COL6A6: variants seen among roughly 807,000 people sequenced by gnomAD.
COL6A6 encodes the protein collagen alpha-6(VI) chain.
In COL6A6, 183 loss-of-function variants were observed where a neutral mutation model predicts 208.6. The observed-to-expected ratio is 0.88, with a 90% CI of 0.78 to 0.99. The LOEUF is 0.99. Among genes scored for constraint, COL6A6 ranks in the 50% least tolerant of loss-of-function variants. COL6A6 has a pLI of 0.00. For missense variants in COL6A6, 2,816 were observed against 2,815.2 expected, an observed-to-expected ratio of 1.00 and a Z score of -0.01; for synonymous variants, 973 against 1,011.8, an observed-to-expected ratio of 0.96 and a Z score of 0.73.
In COL6A6 at chr3:130,564,914, T is replaced by A. The variant is rs553960235; in HGVS notation, c.662-80T>A. ...AAGTGCATAACTGAGCTCTGCTGTA[T>A]GGTCTTCATGCCTTCTAATGCTCAC... On this transcript the variant is annotated intron_variant, in intron 3 of 36. Transcript: ENST00000358511. 108 of 1,485,964 alleles carry A rather than the reference T, an allele frequency of 7.3e-5. No homozygotes were observed. The African/African-American group carries it at 1.4e-3, about 19-fold the overall frequency. 92.0% of individuals were successfully genotyped at this position (1,485,964 alleles called of 1,614,324 possible). A position where few individuals can be genotyped will look rare whatever the true frequency, so the allele number is the denominator to read the frequency against.
chr3:130,665,121 A>G (rs1199096728), intron 36 of COL6A6, 25 bp downstream of exon 36: 2 of 1,464,524 alleles, frequency 1.4e-6, no homozygotes, highest in South Asian at 2.4e-5. Flanking sequence ...GTGTTACTTG[A>G]TAAATGAGAA....
rs772795348 is a variant in COL6A6 at position 130,642,960 on chromosome 3, T to C, written c.5191-27T>C. 9 of 1,613,878 alleles carry C rather than the reference T, an allele frequency of 5.6e-6. No homozygotes were observed. In the South Asian group the frequency reaches 9.9e-5, roughly 18 times the overall value. On this transcript the variant is annotated intron_variant, in intron 30 of 36. Transcript: ENST00000358511. ...AGGGCCTAGCAGTTTGTTGTTTAAT[T>C]GTTTCTGTTTTATTTTCGAACTGCA...
At chr3:130,618,227 T>C (rs1476416642) in intron 23 of COL6A6, among the ~76,000 whole-genome samples, 1 of 152,204 alleles carries the variant, frequency 6.6e-6, no homozygotes, top group African/African-American at 2.4e-5. Flanking sequence ...TAGAGTCAGA[T>C]ACAATTAGGT....
intron 28 of COL6A6, among the ~76,000 whole-genome samples, chr3:130,636,808 TC>T (rs1263199571): frequency 1.3e-4 from 1 of 7,572 alleles, no homozygotes; most frequent in Non-Finnish European, 2.1e-4. Flanking sequence ...CCCCCTCCCC[TC>T]CCCCTCCCCT....
intron 1 of COL6A6, among the ~76,000 whole-genome samples, chr3:130,558,589 C>CAG (rs2062816248): frequency 6.6e-6 from 1 of 152,162 alleles, no homozygotes. Flanking sequence ...CTTCTCTGTC[C>CAG]AGATGTTCAT....
chr3:130,659,123 C>T (rs1181294773), intron 34 of COL6A6, among the ~76,000 whole-genome samples: 2 of 152,134 alleles, frequency 1.3e-5, no homozygotes, highest in Admixed American at 1.3e-4. Flanking sequence ...TGTTCACAGC[C>T]ACAAAGAAAT....
At chr3:130,516,954 C>G (rs1381322706), upstream of COL6A6, among the ~76,000 whole-genome samples, 1 of 152,212 alleles carries the variant, frequency 6.6e-6, no homozygotes, top group Non-Finnish European at 1.5e-5. Flanking sequence ...TCCCCTCTTT[C>G]TTTTCTCCCA....
chr3:130,530,650 G>A (rs995780381), intron 1 of COL6A6, among the ~76,000 whole-genome samples: 4 of 152,196 alleles, frequency 2.6e-5, no homozygotes, highest in African/African-American at 4.8e-5. Flanking sequence ...GTTGTAATAT[G>A]TTAGGGTGCT....
At chr3:130,573,563 C>CTTT (rs55821593) in intron 7 of COL6A6, among the ~76,000 whole-genome samples, 7 of 84,532 alleles carry the variant, frequency 8.3e-5, no homozygotes, top group African/African-American at 2.4e-4. Context: ...TAGCTGCAAA[C>CTTT]TTTTTTTTTT....
chr3:130,602,546 T>G (rs1464000186), intron 20 of COL6A6, among the ~76,000 whole-genome samples: 1 of 152,198 alleles, frequency 6.6e-6, no homozygotes, highest in East Asian at 1.9e-4. Context: ...GAAGATAACA[T>G]TATTGCTCTT....
At chr3:130,605,725 A>T (rs1243843276) in intron 20 of COL6A6, among the ~76,000 whole-genome samples, 1 of 152,210 alleles carries the variant, frequency 6.6e-6, no homozygotes, top group Non-Finnish European at 1.5e-5. Flanking sequence ...TCTGAGAAAG[A>T]CAATACCTGA....
intron 1 of COL6A6, among the ~76,000 whole-genome samples, chr3:130,536,287 G>A (rs2062223171): frequency 6.6e-6 from 1 of 152,154 alleles, no homozygotes; most frequent in Non-Finnish European, 1.5e-5. Flanking sequence ...TTACACAAGA[G>A]ACACCTGTCT....
intron 20 of COL6A6, among the ~76,000 whole-genome samples, chr3:130,602,846 A>G (rs1353295711): frequency 6.6e-6 from 1 of 152,134 alleles, no homozygotes; most frequent in African/African-American, 2.4e-5. Context: ...TGATTTAAAA[A>G]TTTTTTTCTG....
chr3:130,537,992 G>A (rs2062263451), intron 1 of COL6A6, among the ~76,000 whole-genome samples: 1 of 152,196 alleles, frequency 6.6e-6, no homozygotes, highest in Admixed American at 6.5e-5. Context: ...GAAATTTCCA[G>A]TGAAAGATAA....
At chr3:130,615,445 TA>T (rs2064488650) in intron 23 of COL6A6, among the ~76,000 whole-genome samples, 2 of 152,330 alleles carry the variant, frequency 1.3e-5, no homozygotes, top group South Asian at 4.1e-4. Flanking sequence ...TCTATATGTC[TA>T]TTAAATCAAG....
At chr3:130,651,280 G>C (rs1396081142) in intron 33 of COL6A6, among the ~76,000 whole-genome samples, 1 of 152,026 alleles carries the variant, frequency 6.6e-6, no homozygotes, top group Non-Finnish European at 1.5e-5. Context: ...ACTAAAATTA[G>C]CCAGGCACAG....
chr3:130,623,750 T>G (rs1206754304), intron 24 of COL6A6, among the ~76,000 whole-genome samples: 1 of 151,944 alleles, frequency 6.6e-6, no homozygotes, highest in Non-Finnish European at 1.5e-5. Flanking sequence ...AGGGTTTAGG[T>G]CTGGTTGGAG....
intron 35 of COL6A6, 61 bp downstream of exon 35, chr3:130,662,369 AG>A: frequency 6.7e-7 from 1 of 1,481,606 alleles, no homozygotes; most frequent in Non-Finnish European, 9.1e-7. Flanking sequence ...TACTAAAAAA[AG>A]GTTGATGAGC....
chr3:130,606,808 T>C, intron 20 of COL6A6, 123 bp from the exon 21 acceptor site: 1 of 642,018 alleles, frequency 1.6e-6, no homozygotes, highest in Non-Finnish European at 2.6e-6. Context: ...AAATTGAATG[T>C]TGTAAGCACT....
Sources: allele counts gnomAD v4.1 joint callset (sites outside exome capture counted in the v4.1 genomes callset), GRCh38; gene constraint gnomAD v4.1.1; transcripts MANE v1.5; gene names NCBI Gene and HGNC (gene_info 2026-07-23, HGNC 2026-07-21).